Variants in AKAP6 observed in about 807,000 individuals in gnomAD.
AKAP6 encodes the protein A-kinase anchoring protein 6.
A neutral mutation model predicts 188.5 loss-of-function variants in AKAP6; 58 were observed. That is an observed-to-expected ratio of 0.31 (90% CI 0.25 to 0.38). The LOEUF (loss-of-function observed/expected upper bound fraction) is 0.38. Among genes scored for constraint, AKAP6 ranks in the 10% least tolerant of loss-of-function variants. The pLI is 1.00. For missense variants in AKAP6, 2,710 were observed against 2,740.0 expected (o/e 0.99, Z 0.24); for synonymous variants, 989 against 998.6 (o/e 0.99, Z 0.18).
chr14:32,422,306 A>T (rs558349615), intron 1 of AKAP6, among the ~76,000 whole-genome samples: 6 of 152,268 alleles, frequency 3.9e-5, no homozygotes, highest in Admixed American at 1.3e-4. Context: ...TAAAGTTGAG[A>T]GTTCACACAG....
intron 12 of AKAP6, among the ~76,000 whole-genome samples, chr14:32,803,290 AAC>A (rs1555364187): frequency 0.11 from 10,586 of 98,018 alleles, 433 homozygotes; most frequent in South Asian, 0.23. Flanking sequence ...TAAAAAAAAA[AAC>A]AAAACAAATA....
At chr14:32,736,436 T>A (rs2031428930) in intron 11 of AKAP6, among the ~76,000 whole-genome samples, 1 of 152,074 alleles carries the variant, frequency 6.6e-6, no homozygotes, top group South Asian at 2.1e-4. Flanking sequence ...TTTCACTGTA[T>A]GTCCATGGAG....
intron 12 of AKAP6, among the ~76,000 whole-genome samples, chr14:32,780,613 C>G (rs117983015): frequency 6.6e-6 from 1 of 152,134 alleles, no homozygotes; most frequent in Non-Finnish European, 1.5e-5. Context: ...TACTAAAACT[C>G]TCTTCTGAGC....
chr14:32,807,248 T>C (rs572470990), intron 12 of AKAP6, among the ~76,000 whole-genome samples: 1 of 149,342 alleles, frequency 6.7e-6, no homozygotes, highest in South Asian at 2.1e-4. Context: ...ATTGCCTGAG[T>C]GCAGGAGCTC....
chr14:32,590,343 T>C (rs1384759975), intron 5 of AKAP6, among the ~76,000 whole-genome samples: 1 of 151,724 alleles, frequency 6.6e-6, no homozygotes, highest in Non-Finnish European at 1.5e-5. Flanking sequence ...GTATTAAAAA[T>C]ATCTGCTAAG....
At chr14:32,593,893 T>C (rs1048154554) in intron 5 of AKAP6, among the ~76,000 whole-genome samples, 7 of 152,112 alleles carry the variant, frequency 4.6e-5, no homozygotes, top group Non-Finnish European at 1.0e-4. Context: ...CTGTGCTGGG[T>C]AGAAGCACAC....
In AKAP6 at chr14:32,458,536, A is replaced by G. The variant is rs1891219055; in HGVS notation, c.324+24719A>G. Reference sequence around the variant, plus strand: ...GCTGAAAGTATTATTAGTAGTCACAATAGGAATGAAGAAAATGAACAACAT... The same window carrying G: ...GCTGAAAGTATTATTAGTAGTCACAGTAGGAATGAAGAAAATGAACAACAT... On this transcript the variant is annotated intron_variant, in intron 2 of 13. Transcript: ENST00000280979. Among the ~76,000 whole-genome samples the G allele has an allele frequency of 2.6e-5, 4 of 152,306 alleles. No homozygotes were observed. The South Asian group carries it at 8.3e-4, about 32-fold the overall frequency.
At chr14:32,518,772 C>G (rs969684179) in intron 2 of AKAP6, among the ~76,000 whole-genome samples, 1 of 152,198 alleles carries the variant, frequency 6.6e-6, no homozygotes, top group Non-Finnish European at 1.5e-5. Context: ...AAACACTATT[C>G]AGGATATTAT....
intron 2 of AKAP6, among the ~76,000 whole-genome samples, chr14:32,468,531 T>A (rs375225639): frequency 7.6e-6 from 1 of 131,662 alleles, no homozygotes; most frequent in African/African-American, 2.5e-5. Flanking sequence ...TTAGACATCC[T>A]GTAATCACAG....
intron 1 of AKAP6, among the ~76,000 whole-genome samples, chr14:32,361,838 T>C (rs72666159): frequency 0.041 from 6,192 of 152,278 alleles, 199 homozygotes; most frequent in Non-Finnish European, 0.063. Context: ...CCTTCACTGC[T>C]TAAAAAGGGC....
chr14:32,341,779 G>A (rs1472439752), intron 1 of AKAP6, among the ~76,000 whole-genome samples: 1 of 152,160 alleles, frequency 6.6e-6, no homozygotes, highest in Non-Finnish European at 1.5e-5. Context: ...CATCATTTTA[G>A]GGAAGCTCAG....
intron 12 of AKAP6, among the ~76,000 whole-genome samples, chr14:32,814,195 A>AT (rs2034320690): frequency 6.6e-6 from 1 of 152,062 alleles, no homozygotes; most frequent in African/African-American, 2.4e-5. Flanking sequence ...GTTACAGATG[A>AT]TTTTCTCTTC....
At chr14:32,782,677 G>A (rs970175781) in intron 12 of AKAP6, among the ~76,000 whole-genome samples, 10 of 152,078 alleles carry the variant, frequency 6.6e-5, no homozygotes, top group Non-Finnish European at 1.0e-4. Context: ...GAAATGCTTA[G>A]GGATGTATCT....
intron 9 of AKAP6, among the ~76,000 whole-genome samples, chr14:32,697,440 G>A (rs1347472462): frequency 1.3e-5 from 2 of 152,118 alleles, no homozygotes; most frequent in Admixed American, 1.3e-4. Context: ...TACAGTAACA[G>A]TCTCAACCTA....
intron 1 of AKAP6, among the ~76,000 whole-genome samples, chr14:32,392,160 G>A (rs1888736919): frequency 6.6e-6 from 1 of 152,146 alleles, no homozygotes; most frequent in Non-Finnish European, 1.5e-5. Flanking sequence ...TTGGAAAACA[G>A]TTTTTGATTA....
At chr14:32,419,806 A>G (rs953078407) in intron 1 of AKAP6, among the ~76,000 whole-genome samples, 4 of 152,138 alleles carry the variant, frequency 2.6e-5, no homozygotes, top group African/African-American at 9.6e-5. Context: ...GTGGATAGAC[A>G]CAATTTTGAA....
At chr14:32,558,280 A>T (rs1883776805) in intron 4 of AKAP6, among the ~76,000 whole-genome samples, 1 of 151,690 alleles carries the variant, frequency 6.6e-6, no homozygotes, top group Admixed American at 6.5e-5. Context: ...TATGATGCAC[A>T]ATCTAAAATT....
intron 1 of AKAP6, among the ~76,000 whole-genome samples, chr14:32,365,856 A>G (rs2138503282): frequency 1.3e-5 from 2 of 152,198 alleles, no homozygotes; most frequent in Middle Eastern, 6.8e-3. Flanking sequence ...AGACTTGCTA[A>G]CCACCATTTT....
At chr14:32,632,263 A>G (rs1364290436) in intron 7 of AKAP6, among the ~76,000 whole-genome samples, 1 of 152,042 alleles carries the variant, frequency 6.6e-6, no homozygotes. Flanking sequence ...ATAAAAGTTT[A>G]GGAGCTCTTG....
Sources: gnomAD v4.1 joint callset for allele counts (sites outside exome capture counted in the v4.1 genomes callset) on GRCh38, gnomAD v4.1.1 for gene constraint, MANE v1.5 for transcripts, NCBI Gene and HGNC (gene_info 2026-07-23, HGNC 2026-07-21) for gene names.